VPS13C: variants seen among roughly 807,000 people sequenced by gnomAD.
The protein encoded by VPS13C is intermembrane lipid transfer protein VPS13C.
A neutral mutation model predicts 456.8 loss-of-function variants in VPS13C; 358 were observed. The observed-to-expected ratio is 0.78, with a 90% CI of 0.72 to 0.86. The LOEUF (loss-of-function observed/expected upper bound fraction) is 0.86, where lower values mean the gene tolerates loss of function less well. VPS13C is among the 40% of genes least tolerant of loss of function. The probability of loss-of-function intolerance (pLI) is 0.00; values close to 1 mark genes in which losing one functional copy is unlikely to be tolerated. For missense variants in VPS13C, 4,818 were observed against 4,385.4 expected (o/e 1.10, Z -2.79); for synonymous variants, 1,578 against 1,486.7 (o/e 1.06, Z -1.41).
rs368498429 is a variant in VPS13C, at chr15:62,013,096, G to A, written c.768C>T (p.Ser256=). 1.4e-4 allele frequency: 219 copies of A among 1,609,324 alleles called. 1 individual carries two copies. The highest frequency in any genetic ancestry group is 1.8e-4 in the Non-Finnish European group (207 of 1,177,670). ...IYKLIRLDSL[S]AYWNVNCSMS... is the part of the protein sequence containing the mutation. Reference sequence around the variant, plus strand: ...TGCTGCAATTTACATTCCAGTAGGCGCTAAGACTATCAAGTCGTATAAGCT... The same window carrying A: ...TGCTGCAATTTACATTCCAGTAGGCACTAAGACTATCAAGTCGTATAAGCT... Residue 256 remains serine (S), a synonymous_variant, in exon 11 of 85, where the codon AGC becomes AGT. Coordinates refer to ENST00000644861, the MANE Select transcript of VPS13C (RefSeq NM_020821.3).
intron 54 of VPS13C, 71 bp downstream of exon 54, chr15:61,922,324 GAA>G: frequency 6.5e-7 from 1 of 1,529,818 alleles, no homozygotes; most frequent in Non-Finnish European, 8.8e-7. Flanking sequence ...GCACAAACAA[GAA>G]AAGTGTATAT....
chr15:61,942,191 GTGTA>G (rs1348276819), intron 45 of VPS13C, 124 bp from the exon 46 acceptor site: 21 of 895,074 alleles, frequency 2.3e-5, no homozygotes, highest in Non-Finnish European at 3.4e-5. Context: ...TTATGATTTT[GTGTA>G]TGTAGAGAGT....
intron 10 of VPS13C, among the ~76,000 whole-genome samples, chr15:62,013,544 C>T (rs2047120206): frequency 6.6e-6 from 1 of 151,946 alleles, no homozygotes; most frequent in Non-Finnish European, 1.5e-5. Flanking sequence ...TGGAGATTCA[C>T]AGTGTTTGTT....
At chr15:62,027,648 G>A (rs927305939) in intron 6 of VPS13C, among the ~76,000 whole-genome samples, 3 of 152,054 alleles carry the variant, frequency 2.0e-5, no homozygotes, top group Non-Finnish European at 4.4e-5. Flanking sequence ...AAATTTAAAT[G>A]TGACTGAGTT....
chr15:61,922,633 A>T lies in VPS13C; in HGVS notation c.6739T>A (p.Tyr2247Asn), dbSNP rs778672661. 35 of 1,613,980 alleles carry T rather than the reference A, an allele frequency of 2.2e-5. No homozygotes were observed. Among genetic ancestry groups the T allele is most frequent in the Non-Finnish European group, 2.9e-5 (34 of 1,179,984 alleles). ...TCAACACCAAGAAACCAAGTGTTAT[A>T]ATCATTAATCGATTTGATACCCCAA... ...NLWGIKSIND[Y>N]NTWFLGVDTA... The change falls in exon 54 of 85, where the codon TAT becomes AAT. Residue 2247 changes from tyrosine (Y) to asparagine (N), a missense_variant. By Grantham distance (143) the Tyr-to-Asn change is moderately radical (BLOSUM62 -2). Coordinates refer to ENST00000644861, the MANE Select transcript of VPS13C (RefSeq NM_020821.3).
At chr15:61,860,771 T>C (rs1894177879) in intron 82 of VPS13C, among the ~76,000 whole-genome samples, 1 of 152,060 alleles carries the variant, frequency 6.6e-6, no homozygotes, top group African/African-American at 2.4e-5. Context: ...GGGTTATCTT[T>C]GGGTGCTGAC....
chr15:62,046,514 A>G (rs2048408007), intron 1 of VPS13C, among the ~76,000 whole-genome samples: 1 of 152,188 alleles, frequency 6.6e-6, no homozygotes, highest in African/African-American at 2.4e-5. Flanking sequence ...ATCTGCACAG[A>G]TGCTAGTGCC....
intron 25 of VPS13C, among the ~76,000 whole-genome samples, chr15:61,973,889 C>T (rs2045627804): frequency 1.3e-5 from 2 of 152,010 alleles, no homozygotes; most frequent in Admixed American, 6.6e-5. Flanking sequence ...CTGGCTTTAT[C>T]AAATTTCATT....
intron 64 of VPS13C, among the ~76,000 whole-genome samples, chr15:61,909,895 C>T (rs2043253771): frequency 7.0e-6 from 1 of 143,070 alleles, no homozygotes; most frequent in African/African-American, 2.6e-5. Context: ...CCAAACACTG[C>T]ATGTTCTCAC....
chr15:61,918,266 C>CAA lies in VPS13C; in HGVS notation c.7639-11_7639-10dup. 8.2e-6 allele frequency: 12 copies of CAA among 1,458,256 alleles called. No homozygotes were observed. Among genetic ancestry groups the CAA allele is most frequent in the South Asian group, 4.3e-5 (3 of 69,514 alleles). The allele number at this position is 1,458,256 out of a possible 1,614,324, so 90.3% of individuals were successfully genotyped here. A position where few individuals can be genotyped will look rare whatever the true frequency, so the allele number is the denominator to read the frequency against. The stretch of plus-strand genomic sequence containing the variant: ...GAGAAATGGTTTTTGATCTGTTGGA[C>CAA]AAAAAAAAATACAAGTTTTTTAAAA... On this transcript the variant is annotated splice_polypyrimidine_tract_variant and intron_variant, in intron 58 of 84. Transcript: ENST00000644861.
At chr15:61,952,146 A>ACATCAGG (rs2044822693) in intron 38 of VPS13C, among the ~76,000 whole-genome samples, 166 bp from the exon 39 acceptor site, 1 of 152,206 alleles carries the variant, frequency 6.6e-6, no homozygotes, top group South Asian at 2.1e-4. Flanking sequence ...CAGAACTCCT[A>ACATCAGG]GTCTGATGGA....
chr15:61,871,910 G>T, intron 79 of VPS13C, 79 bp downstream of exon 79: 1 of 1,258,966 alleles, frequency 7.9e-7, no homozygotes, highest in Non-Finnish European at 1.1e-6. Context: ...CAAGTATATA[G>T]CAGCAATAAC....
At chr15:62,041,929 GTTAC>G (rs975217565) in intron 2 of VPS13C, among the ~76,000 whole-genome samples, 3 of 152,054 alleles carry the variant, frequency 2.0e-5, no homozygotes, top group Non-Finnish European at 4.4e-5. Flanking sequence ...AGGTAAACTG[GTTAC>G]TTGTTTTAAG....
In VPS13C at chr15:61,959,499, C is replaced by G; in HGVS notation, c.4005G>C (p.Trp1335Cys). Residue 1335 changes from tryptophan to cysteine, a missense_variant, in exon 36 of 85, where the codon TGG becomes TGC. By Grantham distance (215) the Trp-to-Cys change is radical. Around this residue, in one of 3 missense-constraint regions of VPS13C, gnomAD observed 4,552 missense variants for 4,130.6 expected, o/e 1.10. Coordinates refer to ENST00000644861, the MANE Select transcript of VPS13C (RefSeq NM_020821.3). The stretch of plus-strand genomic sequence containing the variant: ...TTTCCACAACAGGCACCTTGTGGTA[C>G]CAAGATGCAGCTAGATTCCGATTTA... ...FLVNRNLAAS[W>C]YHKVPVVEIK... 6.8e-6 allele frequency: 11 copies of G among 1,612,968 alleles called. No homozygotes were observed. Among genetic ancestry groups the G allele is most frequent in the Non-Finnish European group, 9.3e-6 (11 of 1,179,284 alleles).
intron 15 of VPS13C, among the ~76,000 whole-genome samples, chr15:62,006,588 A>T (rs1402554370): frequency 2.6e-5 from 4 of 152,224 alleles, no homozygotes; most frequent in Non-Finnish European, 5.9e-5. Flanking sequence ...TCTTTATAGC[A>T]GCGTGATTTA....
chr15:61,938,975 T>C (rs2044324064), intron 47 of VPS13C, among the ~76,000 whole-genome samples: 1 of 152,244 alleles, frequency 6.6e-6, no homozygotes, highest in African/African-American at 2.4e-5. Context: ...ATAAAACTGA[T>C]AGAACTGTAC....
intron 51 of VPS13C, among the ~76,000 whole-genome samples, chr15:61,927,829 T>C (rs758766172): frequency 2.6e-5 from 4 of 151,948 alleles, no homozygotes; most frequent in Admixed American, 2.0e-4. Context: ...ATTAAGAAAA[T>C]GGCACATATA....
chr15:62,038,403 A>G (rs2048133217), intron 3 of VPS13C, among the ~76,000 whole-genome samples: 1 of 152,154 alleles, frequency 6.6e-6, no homozygotes, highest in Admixed American at 6.6e-5. Context: ...AGCATGGGCA[A>G]CATGATGAAA....
chr15:61,991,569 T>C, intron 17 of VPS13C, 104 bp downstream of exon 17: 1 of 1,322,326 alleles, frequency 7.6e-7, no homozygotes, highest in Non-Finnish European at 1.0e-6. Context: ...TGAGGTAATT[T>C]ATTTCAAATG....
Sources: gnomAD v4.1 joint callset for allele counts (sites outside exome capture counted in the v4.1 genomes callset) on GRCh38, gnomAD v4.1.1 for gene constraint, gnomAD v4.1.1 regional missense constraint, MANE v1.5 for transcripts, NCBI Gene and HGNC (gene_info 2026-07-23, HGNC 2026-07-21) for gene names.